The following WASHC5 variants were observed in gnomAD, a reference collection of about 807,000 sequenced individuals.
The protein encoded by WASHC5 is WASH complex subunit strumpellin.
WASHC5 carries 101 observed loss-of-function variants against 150.4 expected under a neutral mutation model. The ratio of observed to expected loss-of-function variants is 0.67; its 90% confidence interval spans 0.57 to 0.79. WASHC5 has a LOEUF of 0.79. Among genes scored for constraint, WASHC5 ranks in the 30% least tolerant of loss-of-function variants. The pLI is 0.00. For missense variants in WASHC5, 1,195 were observed against 1,396.3 expected (o/e 0.86, Z 2.30); for synonymous variants, 467 against 491.2 (o/e 0.95, Z 0.65).
intron 11 of WASHC5, 29 bp downstream of exon 11, chr8:125,063,493 C>A (rs207469860): frequency 6.2e-7 from 1 of 1,611,920 alleles, no homozygotes; most frequent in Non-Finnish European, 8.5e-7. Context: ...ACATTCCAAA[C>A]ACACCAGTAT....
At position 125,047,262 on chromosome 8, in the gene WASHC5, A is replaced by T; in HGVS notation, c.2449T>A (p.Ser817Thr). The T allele has an allele frequency of 6.2e-7, 1 of 1,613,996 alleles. No individual in the cohort carries two copies. Among genetic ancestry groups the T allele is most frequent in the Admixed American group, 1.7e-5 (1 of 60,012 alleles). The change falls in exon 20 of 29, where the codon TCT (serine) becomes ACT (threonine). Residue 817 changes from serine (S) to threonine (T), a missense_variant. By Grantham distance (58) the Ser-to-Thr change is moderately conservative. Transcript: ENST00000318410. ...CAGAGTCGACCAATAAACGTTACAG[A>T]CTCATCCACAGGGGTAAACTTGGGT... ...PIPKFTPVDE[S>T]VTFIGRLCRE...
At chr8:125,087,245 G>C (rs1817446636) in intron 1 of WASHC5, among the ~76,000 whole-genome samples, 1 of 152,078 alleles carries the variant, frequency 6.6e-6, no homozygotes, top group South Asian at 2.1e-4. Flanking sequence ...TGTCCATGTA[G>C]CTATTTCTGT....
intron 8 of WASHC5, 36 bp downstream of exon 8, chr8:125,074,962 G>T: frequency 8.4e-7 from 1 of 1,193,868 alleles, no homozygotes; most frequent in Non-Finnish European, 1.3e-6. Context: ...AACTAGGCCT[G>T]CAGTTATCAG....
intron 27 of WASHC5, among the ~76,000 whole-genome samples, chr8:125,031,272 T>G (rs1182712589): frequency 6.6e-6 from 1 of 152,070 alleles, no homozygotes; most frequent in East Asian, 1.9e-4. Context: ...GAAGATCACT[T>G]TGGTTCGTTT....
At chr8:125,033,838 G>A (rs573536324) in intron 26 of WASHC5, among the ~76,000 whole-genome samples, 1 of 152,234 alleles carries the variant, frequency 6.6e-6, no homozygotes, top group Non-Finnish European at 1.5e-5. Flanking sequence ...ATGGGCCACT[G>A]TGCCTGGCCT....
At position 125,054,819 on chromosome 8, in the gene WASHC5, CA is replaced by C. The variant is rs111810991; in HGVS notation, c.2097+771del. Among the ~76,000 whole-genome samples the C allele has an allele frequency of 4.7e-3, 615 of 130,694 alleles. 2 individuals carry two copies. Among genetic ancestry groups the C allele is most frequent in the African/African-American group, 0.01 (370 of 36,674 alleles). 85.7% of individuals were successfully genotyped at this position (130,694 alleles called of 152,430 possible). A position where few individuals can be genotyped will look rare whatever the true frequency, so the allele number is the denominator to read the frequency against. On this transcript the variant is annotated intron_variant, in intron 17 of 28. Transcript: ENST00000318410. ...GGATGACAGAACAAGACCCTTGTCT[CA>C]AAAAAAAAAAAGGGATATGATTATC... is the stretch of plus-strand genomic sequence containing the variant.
intron 20 of WASHC5, chr8:125,044,996 T>G: frequency 2.4e-6 from 1 of 414,096 alleles, no homozygotes. Context: ...CAAGGTTAGG[T>G]TCAGCTGTCA....
rs1330451578 is a variant in WASHC5, at chr8:125,066,122, G to A, written c.1278+1470C>T. 2.0e-5 allele frequency among the ~76,000 whole-genome samples: 3 copies of A among 152,264 alleles called. No individual in the cohort carries two copies. The East Asian group carries it at 5.8e-4, about 29-fold the overall frequency. On this transcript the variant is annotated intron_variant, in intron 10 of 28. Transcript: ENST00000318410. ...TTTCCAGCACCTGGCAAAGAACAGA[G>A]TAGGTATTCAATAACTATTTGCTAT...
chr8:125,056,727 G>C lies in WASHC5; in HGVS notation c.1966C>G (p.Leu656Val), dbSNP rs1235925680. 6.2e-7 allele frequency: 1 copy of C among 1,614,144 alleles called. No homozygotes were observed. The highest frequency in any genetic ancestry group is 2.2e-5 in the East Asian group (1 of 44,884). The change falls in exon 16 of 29, where the codon CTG becomes GTG. Residue 656 changes from leucine (L) to valine (V), a missense_variant. Physicochemically the swap from Leu to Val is conservative, Grantham distance 32. This residue lies in a region of WASHC5 where 997 missense variants were observed against 1,168.1 expected (regional missense o/e 0.85). Transcript: ENST00000318410. ...TAGTCCCTCAGCTTGTCTTTGTCCA[G>C]GCGGGTAGGCACTTCAATAATGTCG... ...THDIIEVPTRLDKDKLRDYAQ... is the reference protein window; with the variant it reads ...THDIIEVPTRVDKDKLRDYAQ...
rs754365664 is a variant in WASHC5, at chr8:125,049,110, G to A, written c.2275C>T (p.Gln759Ter). The A allele has an allele frequency of 6.2e-6, 10 of 1,613,674 alleles. No homozygotes were observed. The highest frequency in any genetic ancestry group is 8.5e-6 in the Non-Finnish European group (10 of 1,179,794). The change falls in exon 19 of 29, where the codon CAG (glutamine) becomes TAG (stop). Residue 759 changes from glutamine (Q) to a stop codon, truncating the protein, a stop_gained. Coordinates refer to ENST00000318410, the MANE Select transcript of WASHC5 (RefSeq NM_014846.4). LOFTEE classifies it high-confidence loss of function. The stretch of plus-strand genomic sequence containing the variant: ...AGACCATAAATGTTGACATAGTCCT[G>A]TATGTATTCAAAAGAACGATGGAAT... The part of the protein sequence containing the change: ...DGFHRSFEYI[Q>*]DYVNIYGLKI...
chr8:125,044,780 G>A (rs1816010426), intron 20 of WASHC5, 82 bp from the exon 21 acceptor site: 5 of 1,348,206 alleles, frequency 3.7e-6, no homozygotes, highest in Non-Finnish European at 2.1e-6. Context: ...AGGACATGCG[G>A]CACCAAATAT....
intron 24 of WASHC5, among the ~76,000 whole-genome samples, chr8:125,039,486 G>A (rs1815820081): frequency 6.6e-6 from 1 of 152,148 alleles, no homozygotes; most frequent in Non-Finnish European, 1.5e-5. Context: ...AGTGTCTGGT[G>A]TGTCTCTCAC....
intron 26 of WASHC5, among the ~76,000 whole-genome samples, chr8:125,034,612 C>T (rs1210544406): frequency 1.3e-5 from 2 of 152,132 alleles, no homozygotes; most frequent in African/African-American, 4.8e-5. Flanking sequence ...CTGGCACAAC[C>T]ACTTTGGACA....
At chr8:125,024,959 T>C (rs1815334769) in intron 28 of WASHC5, among the ~76,000 whole-genome samples, 2 of 152,104 alleles carry the variant, frequency 1.3e-5, no homozygotes, top group Admixed American at 1.3e-4. Flanking sequence ...GGAATGTTCT[T>C]GCCTCTGGGA....
At chr8:125,091,337 C>A (rs1365102419) in intron 1 of WASHC5, among the ~76,000 whole-genome samples, 3 of 152,154 alleles carry the variant, frequency 2.0e-5, no homozygotes, top group Non-Finnish European at 4.4e-5. Context: ...GACATCCATA[C>A]AGCAGTGTTC....
At position 125,076,431 on chromosome 8, in the gene WASHC5, T is replaced by A. The variant is rs778091462; in HGVS notation, c.781A>T (p.Ile261Phe). The A allele has an allele frequency of 6.2e-7, 1 of 1,613,928 alleles. No homozygotes were observed. Among genetic ancestry groups the A allele is most frequent in the African/African-American group, 1.3e-5 (1 of 74,892 alleles). ...LANQAAMLYV[I>F]LYFEPSILHT... ...AGGATGGAAGGCTCAAAGTAGAGAA[T>A]CACGTACAGCATGGCAGCTTGGTTT... Residue 261 changes from isoleucine (I) to phenylalanine (F), a missense_variant, in exon 7 of 29, where the codon ATT becomes TTT. Physicochemically the swap from Ile to Phe is conservative, Grantham distance 21. Transcript: ENST00000318410.
Position 125,083,797 on chromosome 8 carries a change from C to G in WASHC5, c.102G>C (p.Glu34Asp). 1.9e-6 allele frequency: 3 copies of G among 1,613,852 alleles called. No homozygotes were observed. The highest frequency in any genetic ancestry group is 1.3e-5 in the African/African-American group (1 of 75,038). The change falls in exon 2 of 29, where the codon GAG becomes GAC. Residue 34 changes from glutamate (E) to aspartate (D), a missense_variant. By Grantham distance (45) the Glu-to-Asp change is conservative (BLOSUM62 2). Transcript: ENST00000318410. ...AIIAELLRLS[E>D]FIPAVFRLKD... ...TTAACCTGAACACAGCAGGAATAAA[C>G]TCAGAGAGTCTCAAAAGTTCAGCAA...
At chr8:125,065,021 C>T (rs1235179904) in intron 10 of WASHC5, among the ~76,000 whole-genome samples, 1 of 152,140 alleles carries the variant, frequency 6.6e-6, no homozygotes, top group Non-Finnish European at 1.5e-5. Flanking sequence ...ATAAGAGCAC[C>T]CTGAAGCCTT....
At position 125,039,915 on chromosome 8, in the gene WASHC5, G is replaced by C. The variant is rs548400961; in HGVS notation, c.2851-17C>G. On this transcript the variant is annotated splice_polypyrimidine_tract_variant and intron_variant, in intron 23 of 28. Coordinates refer to ENST00000318410, the MANE Select transcript of WASHC5 (RefSeq NM_014846.4). ...CTGCCCAACCTGTGCACAAGCAAGA[G>C]AAAGAACAGGTAGTGCATTCAAGCA... The C allele has an allele frequency of 1.3e-6, 2 of 1,548,618 alleles. No individual in the cohort carries two copies. Among genetic ancestry groups the C allele is most frequent in the Non-Finnish European group, 1.8e-6 (2 of 1,121,946 alleles).
Sources: allele counts gnomAD v4.1 joint callset (sites outside exome capture counted in the v4.1 genomes callset), GRCh38; gene constraint gnomAD v4.1.1; regional missense constraint gnomAD v4.1.1; transcripts MANE v1.5; gene names NCBI Gene and HGNC (gene_info 2026-07-23, HGNC 2026-07-21).